The following SPOCK3 variants were observed in gnomAD, a reference collection of about 807,000 sequenced individuals.
SPOCK3 encodes the protein testican-3.
SPOCK3 carries 30 observed loss-of-function variants against 56.6 expected under a neutral mutation model. The observed-to-expected ratio is 0.53, with a 90% CI of 0.40 to 0.72. SPOCK3 has a LOEUF of 0.72. Ranked by LOEUF, SPOCK3 falls within the 30% of genes least tolerant of loss-of-function variation. SPOCK3 has a pLI of 0.00. For synonymous variants in SPOCK3, 196 were observed against 183.3 expected, an observed-to-expected ratio of 1.07 and a Z score of -0.56; for missense variants, 527 against 530.0, an observed-to-expected ratio of 0.99 and a Z score of 0.06.
At chr4:167,074,790 A>G (rs1353646462) in intron 2 of SPOCK3, among the ~76,000 whole-genome samples, 1 of 151,900 alleles carries the variant, frequency 6.6e-6, no homozygotes, top group Non-Finnish European at 1.5e-5. Flanking sequence ...CTCATTTGAC[A>G]AAACAGTACT....
chr4:166,784,124 G>C (rs1252825613), intron 7 of SPOCK3, among the ~76,000 whole-genome samples: 1 of 152,056 alleles, frequency 6.6e-6, no homozygotes, highest in Non-Finnish European at 1.5e-5. Context: ...CATTCACCCA[G>C]TGAGAAATGT....
At chr4:166,956,638 T>C (rs749546478) in intron 4 of SPOCK3, among the ~76,000 whole-genome samples, 2 of 152,164 alleles carry the variant, frequency 1.3e-5, no homozygotes, top group Non-Finnish European at 2.9e-5. Flanking sequence ...AATGGGTAAC[T>C]GAAACCACAG....
intron 6 of SPOCK3, among the ~76,000 whole-genome samples, chr4:166,802,377 T>C (rs1742697191): frequency 6.6e-6 from 1 of 152,182 alleles, no homozygotes; most frequent in African/African-American, 2.4e-5. Context: ...TCAGCTGTAA[T>C]AACAGCCGTT....
chr4:167,122,215 C>T (rs2150365632), intron 2 of SPOCK3, among the ~76,000 whole-genome samples: 1 of 151,880 alleles, frequency 6.6e-6, no homozygotes, highest in African/African-American at 2.4e-5. Context: ...GTGGTGCAAG[C>T]ACATCTCACT....
At chr4:166,737,979 C>T (rs1008395944) in intron 9 of SPOCK3, among the ~76,000 whole-genome samples, 9 of 152,184 alleles carry the variant, frequency 5.9e-5, no homozygotes, top group Non-Finnish European at 1.0e-4. Flanking sequence ...GAAGACCTGC[C>T]ACCATCTGCC....
At chr4:167,026,065 C>T (rs1751672767) in intron 3 of SPOCK3, among the ~76,000 whole-genome samples, 1 of 152,066 alleles carries the variant, frequency 6.6e-6, no homozygotes, top group Admixed American at 6.6e-5. Context: ...TATGACATCA[C>T]TAGGTGACAG....
At chr4:166,847,681 A>ATATATATATATATATATATATAT (rs1560926812) in intron 6 of SPOCK3, among the ~76,000 whole-genome samples, 129 of 91,152 alleles carry the variant, frequency 1.4e-3, no homozygotes, top group Non-Finnish European at 1.9e-3. Context: ...ATATATATAT[A>ATATATATATATATATATATATAT]AGAATCATGT....
intron 6 of SPOCK3, among the ~76,000 whole-genome samples, chr4:166,842,249 T>G (rs1747504799): frequency 6.6e-6 from 1 of 152,242 alleles, no homozygotes. Flanking sequence ...ACGTTGCTTT[T>G]GCTGGCTCTG....
At chr4:167,136,104 C>G (rs1454277503) in intron 2 of SPOCK3, among the ~76,000 whole-genome samples, 1 of 152,018 alleles carries the variant, frequency 6.6e-6, no homozygotes, top group Non-Finnish European at 1.5e-5. Context: ...GCCAGCATCA[C>G]CTGGAATCTT....
At chr4:166,838,981 A>T (rs1746937553) in intron 6 of SPOCK3, among the ~76,000 whole-genome samples, 2 of 151,706 alleles carry the variant, frequency 1.3e-5, no homozygotes, top group Admixed American at 6.6e-5. Flanking sequence ...AATCTTTGTC[A>T]TATAGTTCTA....
At chr4:166,919,200 G>A (rs1346325026) in intron 4 of SPOCK3, among the ~76,000 whole-genome samples, 6 of 152,192 alleles carry the variant, frequency 3.9e-5, no homozygotes, top group Non-Finnish European at 8.8e-5. Flanking sequence ...GTGCTTATGA[G>A]GCCAACAAGT....
chr4:167,226,885 T>G (rs1412805056), intron 2 of SPOCK3, among the ~76,000 whole-genome samples: 1 of 152,138 alleles, frequency 6.6e-6, no homozygotes, highest in African/African-American at 2.4e-5. Flanking sequence ...ACTCGGGTAC[T>G]CTGATTCAGG....
At chr4:167,010,084 G>A (rs1022891936) in intron 3 of SPOCK3, among the ~76,000 whole-genome samples, 9 of 152,176 alleles carry the variant, frequency 5.9e-5, no homozygotes, top group African/African-American at 2.2e-4. Flanking sequence ...TGGGTGGGGG[G>A]AGTAAATTGA....
chr4:166,872,686 G>A (rs1475149479), intron 6 of SPOCK3, among the ~76,000 whole-genome samples: 2 of 152,190 alleles, frequency 1.3e-5, no homozygotes, highest in African/African-American at 4.8e-5. Context: ...AGTGAAAGGA[G>A]CCAATATGAA....
At chr4:167,230,515 A>AG (rs1181869905) in intron 2 of SPOCK3, among the ~76,000 whole-genome samples, 1 of 151,360 alleles carries the variant, frequency 6.6e-6, no homozygotes, top group South Asian at 2.1e-4. Flanking sequence ...AAAAAAAAAA[A>AG]AAAAACCAGC....
intron 6 of SPOCK3, among the ~76,000 whole-genome samples, chr4:166,871,714 C>T (rs1393583310): frequency 6.6e-6 from 1 of 150,834 alleles, no homozygotes; most frequent in Non-Finnish European, 1.5e-5. Context: ...CAGTCTTTGC[C>T]CTAATACTAA....
At chr4:166,815,347 G>A (rs897176428) in intron 6 of SPOCK3, among the ~76,000 whole-genome samples, 1 of 151,980 alleles carries the variant, frequency 6.6e-6, no homozygotes, top group Non-Finnish European at 1.5e-5. Flanking sequence ...ATTAAATGTA[G>A]CTTAAATACT....
At chr4:167,216,187 C>T (rs571721154) in intron 2 of SPOCK3, among the ~76,000 whole-genome samples, 5 of 152,098 alleles carry the variant, frequency 3.3e-5, no homozygotes, top group South Asian at 2.1e-4. Flanking sequence ...CTCCCTCTAA[C>T]GTGACTATAC....
intron 6 of SPOCK3, among the ~76,000 whole-genome samples, chr4:166,806,500 A>C (rs1551490): frequency 0.072 from 10,935 of 152,132 alleles, 892 homozygotes; most frequent in African/African-American, 0.19. Context: ...ATGGCAACAT[A>C]TAATATAGGT....
Sources: gnomAD v4.1 joint callset for allele counts (sites outside exome capture counted in the v4.1 genomes callset) on GRCh38, gnomAD v4.1.1 for gene constraint, MANE v1.5 for transcripts, NCBI Gene and HGNC (gene_info 2026-07-23, HGNC 2026-07-21) for gene names.